Variants in CDK12 observed in about 807,000 individuals in gnomAD.
CDK12 encodes cyclin dependent kinase 12.
In CDK12, 17 loss-of-function variants were observed where a neutral mutation model predicts 133.8. The ratio of observed to expected loss-of-function variants is 0.13; its 90% CI spans 0.09 to 0.19. The LOEUF (loss-of-function observed/expected upper bound fraction) is 0.19, where lower values mean the gene tolerates loss of function less well. Ranked by LOEUF, CDK12 falls within the 10% of genes least tolerant of loss-of-function variation. The pLI is 1.00. For synonymous variants in CDK12, 694 were observed against 683.6 expected (o/e 1.02, Z -0.24); for missense variants, 1,508 against 1,818.7 (o/e 0.83, Z 3.11).
At chr17:39,502,278 G>A (rs1598083325) in intron 6 of CDK12, among the ~76,000 whole-genome samples, 2 of 151,744 alleles carry the variant, frequency 1.3e-5, no homozygotes, top group African/African-American at 2.4e-5. Flanking sequence ...TCAGCTTCCC[G>A]AATAGCTGGG....
chr17:39,493,738 C>T (rs1266589621), intron 4 of CDK12, among the ~76,000 whole-genome samples: 10 of 151,874 alleles, frequency 6.6e-5, no homozygotes, highest in Non-Finnish European at 2.9e-5. Context: ...TGAGTCATGC[C>T]TGTAATTTCA....
At chr17:39,512,862 GT>G (rs1456061510) in intron 8 of CDK12, among the ~76,000 whole-genome samples, 1 of 152,070 alleles carries the variant, frequency 6.6e-6, no homozygotes, top group Non-Finnish European at 1.5e-5. Context: ...AATGAAAAAT[GT>G]TTTTGTTTTT....
rs2050669737 is a variant in CDK12 at position 39,481,631 on chromosome 17, GCGCTCTCTCTCTCTCTCTCTCTCT to G, written c.1932-8924_1932-8901del. On this transcript the variant is annotated intron_variant, in intron 2 of 13. Transcript: ENST00000447079. ...AGCACTTATGTGCTTGCTCGCTCGC[GCGCTCTCTCTCTCTCTCTCTCTCT>G]CTCTCTCTCTCTCTCTCTCTCTCTC... Among the ~76,000 whole-genome samples, 4 of 34,272 alleles carry G rather than the reference GCGCTCTCTCTCTCTCTCTCTCTCT, an allele frequency of 1.2e-4. 1 individual carries two copies. The highest frequency in any genetic ancestry group is 3.4e-4 in the Admixed American group (1 of 2,984). The allele number at this position is 34,272 out of a possible 152,430, so 22.5% of individuals were successfully genotyped here.
chr17:39,503,868 C>A (rs1201584263), intron 6 of CDK12, among the ~76,000 whole-genome samples: 3 of 152,142 alleles, frequency 2.0e-5, no homozygotes, highest in Non-Finnish European at 4.4e-5. Context: ...AGTTGGATTC[C>A]AAATGAGACC....
At chr17:39,556,411 C>T (rs2056164382) in exon 3 of CDK12, 1 of 152,362 alleles carries the variant, frequency 6.6e-6, no homozygotes, top group Non-Finnish European at 1.5e-5. Context: ...GAAGCCAGGA[C>T]AGGTATGTCC....
At chr17:39,482,684 C>T (rs900852023) in intron 2 of CDK12, among the ~76,000 whole-genome samples, 1 of 140,142 alleles carries the variant, frequency 7.1e-6, no homozygotes, top group Non-Finnish European at 1.5e-5. Flanking sequence ...CTCACTGCAA[C>T]CTACGCCTCC....
chr17:39,470,367 C>T (rs9747666), intron 1 of CDK12, among the ~76,000 whole-genome samples: 7,884 of 151,988 alleles, frequency 0.052, 658 homozygotes, highest in African/African-American at 0.18. Context: ...GTGATCTGCC[C>T]GCCTCAGCCT....
intron 6 of CDK12, among the ~76,000 whole-genome samples, chr17:39,503,734 T>G (rs773661560): frequency 6.6e-6 from 1 of 152,162 alleles, no homozygotes; most frequent in Non-Finnish European, 1.5e-5. Flanking sequence ...ATCCAGCCTC[T>G]TCCCTTACCC....
At chr17:39,512,699 A>G (rs1598122690) in intron 8 of CDK12, among the ~76,000 whole-genome samples, 1 of 152,300 alleles carries the variant, frequency 6.6e-6, no homozygotes, top group East Asian at 1.9e-4. Flanking sequence ...ATCATTTCTT[A>G]TTGGAATACT....
chr17:39,534,562 C>T (rs2055045825), downstream of CDK12: 1 of 230,162 alleles, frequency 4.3e-6, no homozygotes, highest in Non-Finnish European at 8.6e-6. Flanking sequence ...TGCTCCATTG[C>T]ATTTACTTCT....
intron 5 of CDK12, among the ~76,000 whole-genome samples, chr17:39,496,358 A>G (rs995277497): frequency 6.6e-6 from 1 of 152,166 alleles, no homozygotes; most frequent in African/African-American, 2.4e-5. Context: ...GGTGAATCCA[A>G]ATTTACCAGT....
chr17:39,516,481 T>G (rs192643739), intron 9 of CDK12, among the ~76,000 whole-genome samples: 1 of 150,012 alleles, frequency 6.7e-6, no homozygotes, highest in Non-Finnish European at 1.5e-5. Flanking sequence ...CTTACCCTCC[T>G]GAGTAGCTTG....
chr17:39,510,058 T>C (rs2053385581), intron 7 of CDK12, among the ~76,000 whole-genome samples: 1 of 149,624 alleles, frequency 6.7e-6, no homozygotes, highest in South Asian at 2.1e-4. Context: ...TGCCTCAGCC[T>C]CCCAAAGTGC....
At chr17:39,491,785 A>G (rs1281193055) in intron 3 of CDK12, among the ~76,000 whole-genome samples, 1 of 134,704 alleles carries the variant, frequency 7.4e-6, no homozygotes, top group African/African-American at 2.8e-5. Context: ...CTGTGTGTTT[A>G]TATATTTCAT....
chr17:39,528,437 G>A (rs929281121), intron 13 of CDK12, among the ~76,000 whole-genome samples: 1 of 151,564 alleles, frequency 6.6e-6, no homozygotes, highest in East Asian at 2.0e-4. Context: ...AGGTTCAAGC[G>A]ATTCTCCTGC....
intron 3 of CDK12, among the ~76,000 whole-genome samples, chr17:39,560,835 T>C (rs892486693): frequency 3.9e-5 from 6 of 152,016 alleles, no homozygotes; most frequent in African/African-American, 1.4e-4. Context: ...GCCAACAGGG[T>C]GAAACCCCAT....
intron 3 of CDK12, among the ~76,000 whole-genome samples, chr17:39,562,181 A>G (rs1597732017): frequency 6.6e-6 from 1 of 151,446 alleles, no homozygotes; most frequent in African/African-American, 2.4e-5. Context: ...CTCGTGATCC[A>G]CCCGCCTCAG....
intron 2 of CDK12, among the ~76,000 whole-genome samples, chr17:39,482,259 G>A (rs990772854): frequency 3.9e-5 from 6 of 151,936 alleles, no homozygotes; most frequent in African/African-American, 7.2e-5. Flanking sequence ...TGATCCACCC[G>A]CCTCGGCCTC....
At chr17:39,559,739 T>C (rs1431072794) in intron 3 of CDK12, among the ~76,000 whole-genome samples, 2 of 151,652 alleles carry the variant, frequency 1.3e-5, no homozygotes, top group Non-Finnish European at 2.9e-5. Flanking sequence ...CTTGGAAGAC[T>C]GAGGTGGGAG....
Sources: allele counts gnomAD v4.1 joint callset (sites outside exome capture counted in the v4.1 genomes callset), GRCh38; gene constraint gnomAD v4.1.1; transcripts MANE v1.5; gene names NCBI Gene and HGNC (gene_info 2026-07-23, HGNC 2026-07-21).